LAMA2: variants seen among roughly 807,000 people sequenced by gnomAD.
LAMA2 encodes the protein laminin subunit alpha-2.
In LAMA2, 269 loss-of-function variants were observed where a neutral mutation model predicts 364.8. The ratio of observed to expected loss-of-function variants is 0.74; its 90% confidence interval spans 0.67 to 0.82. LAMA2 has a LOEUF of 0.82. Among genes scored for constraint, LAMA2 ranks in the 40% least tolerant of loss-of-function variants. The pLI, the probability that LAMA2 is intolerant of heterozygous loss-of-function variation, is 0.00. For synonymous variants in LAMA2, 1,379 were observed against 1,370.6 expected (o/e 1.01, Z -0.14); for missense variants, 3,807 against 3,873.2 (o/e 0.98, Z 0.45).
At chr6:129,348,246 T>C (rs1413489916) in intron 30 of LAMA2, among the ~76,000 whole-genome samples, 1 of 152,220 alleles carries the variant, frequency 6.6e-6, no homozygotes, top group Non-Finnish European at 1.5e-5. Flanking sequence ...TTATTACTCA[T>C]TCATGTACTA....
At chr6:129,481,187 G>A in intron 54 of LAMA2, 76 bp from the exon 55 acceptor site, 1 of 1,088,578 alleles carries the variant, frequency 9.2e-7, no homozygotes, top group Non-Finnish European at 1.4e-6. Context: ...TTGCATCGAG[G>A]AGGGTGAGTG....
chr6:129,016,453 A>T (rs1194958090), intron 1 of LAMA2, among the ~76,000 whole-genome samples: 2 of 152,076 alleles, frequency 1.3e-5, no homozygotes, highest in South Asian at 4.1e-4. Flanking sequence ...ATTGGCATGA[A>T]TAAATATTTC....
In LAMA2 at chr6:129,306,074, A is replaced by G. The variant is rs570543242; in HGVS notation, c.3174+5202A>G. Among the ~76,000 whole-genome samples the G allele has an allele frequency of 2.6e-5, 4 of 152,068 alleles. No individual in the cohort carries two copies. The East Asian group carries it at 7.7e-4, about 29-fold the overall frequency. ...TATATTGTCATATATTTTTACTTCT[A>G]TATATTATACATCTGACAATATAAG... is the stretch of plus-strand genomic sequence containing the variant. On this transcript the variant is annotated intron_variant, in intron 22 of 64. Transcript: ENST00000421865.
intron 31 of LAMA2, among the ~76,000 whole-genome samples, chr6:129,352,517 G>A (rs1445385155): frequency 6.6e-6 from 1 of 152,174 alleles, no homozygotes; most frequent in African/African-American, 2.4e-5. Flanking sequence ...GTAGCCTATT[G>A]CCACTTAACT....
chr6:129,468,471 T>C (rs1306937680), intron 51 of LAMA2, among the ~76,000 whole-genome samples: 1 of 151,874 alleles, frequency 6.6e-6, no homozygotes, highest in Non-Finnish European at 1.5e-5. Context: ...CTATAGCAGG[T>C]CAGTTAATAT....
At chr6:129,276,344 A>G (rs917423211) in intron 17 of LAMA2, among the ~76,000 whole-genome samples, 2 of 152,140 alleles carry the variant, frequency 1.3e-5, no homozygotes, top group African/African-American at 2.4e-5. Context: ...TTTTAATTTT[A>G]TACCCATGAT....
At chr6:129,396,735 C>A (rs185754423) in intron 37 of LAMA2, among the ~76,000 whole-genome samples, 1 of 152,162 alleles carries the variant, frequency 6.6e-6, no homozygotes, top group Admixed American at 6.5e-5. Flanking sequence ...GAAGGCAGTG[C>A]GGATCAAGTA....
At chr6:128,895,402 G>A (rs942928151) in intron 1 of LAMA2, among the ~76,000 whole-genome samples, 3 of 151,368 alleles carry the variant, frequency 2.0e-5, no homozygotes, top group Non-Finnish European at 2.9e-5. Flanking sequence ...GGAGGCCGGG[G>A]CGGGTGGATC....
At chr6:129,141,370 A>G (rs1778116365) in intron 4 of LAMA2, among the ~76,000 whole-genome samples, 1 of 152,016 alleles carries the variant, frequency 6.6e-6, no homozygotes, top group South Asian at 2.1e-4. Context: ...AATATACAAG[A>G]TCTGCTTCAC....
intron 42 of LAMA2, among the ~76,000 whole-genome samples, chr6:129,439,902 T>G (rs1367440022): frequency 6.7e-6 from 1 of 149,168 alleles, no homozygotes; most frequent in African/African-American, 2.5e-5. Flanking sequence ...TAGGTAACAT[T>G]CAGAATAGTC....
chr6:129,291,202 T>C (rs192891884), intron 19 of LAMA2, among the ~76,000 whole-genome samples: 12 of 152,342 alleles, frequency 7.9e-5, no homozygotes, highest in African/African-American at 2.9e-4. Flanking sequence ...CTGATGTATC[T>C]GTAAAGAACT....
At chr6:129,137,223 T>C (rs968516649) in intron 4 of LAMA2, among the ~76,000 whole-genome samples, 1 of 151,930 alleles carries the variant, frequency 6.6e-6, no homozygotes, top group African/African-American at 2.4e-5. Context: ...GTGGTTGTTC[T>C]ATTTGGTCGT....
chr6:129,372,228 A>G (rs1778130529), intron 34 of LAMA2, among the ~76,000 whole-genome samples: 1 of 152,112 alleles, frequency 6.6e-6, no homozygotes. Flanking sequence ...AAAATGCATT[A>G]TGACATGTGT....
intron 19 of LAMA2, among the ~76,000 whole-genome samples, chr6:129,290,237 T>C (rs540608934): frequency 5.3e-5 from 8 of 152,314 alleles, no homozygotes; most frequent in African/African-American, 1.4e-4. Flanking sequence ...ATTTTAAAAA[T>C]GTATGATATG....
At chr6:129,326,023 C>T (rs1472459506) in intron 28 of LAMA2, among the ~76,000 whole-genome samples, 1 of 151,886 alleles carries the variant, frequency 6.6e-6, no homozygotes, top group Non-Finnish European at 1.5e-5. Context: ...TATTTTTAGT[C>T]AAGACATGGT....
chr6:129,079,596 T>C (rs1773905886), intron 3 of LAMA2, among the ~76,000 whole-genome samples: 1 of 151,766 alleles, frequency 6.6e-6, no homozygotes, highest in Non-Finnish European at 1.5e-5. Context: ...CAAATGCGTA[T>C]GAAGTGGTGG....
chr6:129,369,287 T>C (rs1447918478), intron 33 of LAMA2, among the ~76,000 whole-genome samples: 3 of 152,204 alleles, frequency 2.0e-5, no homozygotes, highest in Non-Finnish European at 2.9e-5. Flanking sequence ...TTCTGTTTCA[T>C]TCATCACTGG....
intron 12 of LAMA2, among the ~76,000 whole-genome samples, chr6:129,199,477 C>CACT (rs1262067169): frequency 2.0e-5 from 3 of 151,968 alleles, no homozygotes; most frequent in African/African-American, 7.3e-5. Flanking sequence ...TAACATTGTG[C>CACT]TAGAAGATGT....
Position 129,481,455 on chromosome 6 carries a change from G to A in LAMA2, c.7749+16G>A, listed in dbSNP as rs759226106. The A allele has an allele frequency of 4.4e-6, 7 of 1,602,844 alleles. No individual in the cohort carries two copies. The highest frequency in any genetic ancestry group is 2.7e-5 in the African/African-American group (2 of 74,670). ...GACTGGACAGGTACCCTCACACCTA[G>A]CTGATAATGCATTTTCCCTAATGCT... On this transcript the variant is annotated intron_variant, in intron 55 of 64. Coordinates refer to ENST00000421865, the MANE Select transcript of LAMA2 (RefSeq NM_000426.4).
Sources: gnomAD v4.1 joint callset for allele counts (sites outside exome capture counted in the v4.1 genomes callset) on GRCh38, gnomAD v4.1.1 for gene constraint, MANE v1.5 for transcripts, NCBI Gene and HGNC (gene_info 2026-07-23, HGNC 2026-07-21) for gene names.